FOXP1: variants seen among roughly 807,000 people sequenced by gnomAD.
FOXP1 encodes the protein forkhead box P1, also known as forkhead box protein P1.
FOXP1 carries 15 observed loss-of-function variants against 98.2 expected under a neutral mutation model. The ratio of observed to expected loss-of-function variants is 0.15; its 90% CI spans 0.10 to 0.24. The LOEUF (loss-of-function observed/expected upper bound fraction) is 0.24. FOXP1 is among the 10% of genes least tolerant of loss of function. The pLI is 1.00. For missense variants in FOXP1, 633 were observed against 848.5 expected (o/e 0.75, Z 3.15); for synonymous variants, 371 against 314.5 (o/e 1.18, Z -1.90).
chr3:71,428,178 A>G (rs958192470), intron 3 of FOXP1, among the ~76,000 whole-genome samples: 1 of 152,184 alleles, frequency 6.6e-6, no homozygotes, highest in African/African-American at 2.4e-5. Context: ...CAAAGCCCTC[A>G]TACCCTCAGA....
At chr3:71,123,368 T>C (rs921597943) in intron 6 of FOXP1, among the ~76,000 whole-genome samples, 6 of 152,216 alleles carry the variant, frequency 3.9e-5, no homozygotes, top group Non-Finnish European at 8.8e-5. Context: ...TTTTCACCTC[T>C]CTGGTTAACT....
rs114145984 is a variant in FOXP1, at chr3:71,143,043, C to A, written c.181-30406G>T. On this transcript the variant is annotated intron_variant, in intron 6 of 20. Transcript: ENST00000649528. Reference sequence around the variant, plus strand: ...ACATGGTGACCCAGGGGAGCAATCGCTTCTCCTCTCTGGGCCTCACTTTCC... The same window carrying A: ...ACATGGTGACCCAGGGGAGCAATCGATTCTCCTCTCTGGGCCTCACTTTCC... 7.5e-3 allele frequency among the ~76,000 whole-genome samples: 1,148 copies of A among 152,252 alleles called. 19 individuals are homozygous for A. The highest frequency in any genetic ancestry group is 0.027 in the African/African-American group (1,119 of 41,510).
intron 5 of FOXP1, among the ~76,000 whole-genome samples, chr3:71,268,456 G>A (rs113613719): frequency 6.6e-6 from 1 of 152,078 alleles, no homozygotes; most frequent in African/African-American, 2.4e-5. Context: ...TAATGAAGAA[G>A]CTTCAAAAAC....
At chr3:71,227,419 A>G (rs1560148088) in intron 5 of FOXP1, among the ~76,000 whole-genome samples, 1 of 152,196 alleles carries the variant, frequency 6.6e-6, no homozygotes, top group Non-Finnish European at 1.5e-5. Context: ...GAAACCCCCC[A>G]GAAAACTATT....
intron 2 of FOXP1, among the ~76,000 whole-genome samples, chr3:71,522,793 G>C (rs543025429): frequency 6.6e-6 from 1 of 152,136 alleles, no homozygotes; most frequent in Non-Finnish European, 1.5e-5. Context: ...GAATGCAGTG[G>C]TCTCAAGCTG....
chr3:71,013,037 T>A (rs2043890999), intron 12 of FOXP1, among the ~76,000 whole-genome samples: 1 of 152,200 alleles, frequency 6.6e-6, no homozygotes, highest in South Asian at 2.1e-4. Flanking sequence ...TGGTCTAAAT[T>A]TTATTTTTAA....
intron 3 of FOXP1, among the ~76,000 whole-genome samples, chr3:71,452,651 A>G (rs1442110064): frequency 6.6e-6 from 1 of 152,190 alleles, no homozygotes; most frequent in African/African-American, 2.4e-5. Flanking sequence ...TGCTTTGGTC[A>G]AGACCTGTCA....
At chr3:71,450,271 C>T (rs924688676) in intron 3 of FOXP1, among the ~76,000 whole-genome samples, 3 of 152,202 alleles carry the variant, frequency 2.0e-5, no homozygotes, top group African/African-American at 7.2e-5. Flanking sequence ...TCTGTACCTC[C>T]ATGCTGGCAA....
At position 71,017,576 on chromosome 3, in the gene FOXP1, T is replaced by C. The variant is rs1346273798; in HGVS notation, c.870-1923A>G. 3.3e-5 allele frequency among the ~76,000 whole-genome samples: 5 copies of C among 152,108 alleles called. No homozygotes were observed. In the South Asian group the frequency reaches 1.0e-3, roughly 32 times the overall value. On this transcript the variant is annotated intron_variant, in intron 11 of 20. Transcript: ENST00000649528. ...GGCACGAATATTTATATCATTCTTT[T>C]ATATTTAACATAATTTTGTAAATAC...
chr3:71,137,804 T>A (rs1340585830), intron 6 of FOXP1, among the ~76,000 whole-genome samples: 1 of 151,472 alleles, frequency 6.6e-6, no homozygotes, highest in African/African-American at 2.4e-5. Context: ...TATTATTTTT[T>A]TTTTTTGGTG....
chr3:71,223,035 A>G (rs981661437), intron 5 of FOXP1, among the ~76,000 whole-genome samples: 5 of 152,160 alleles, frequency 3.3e-5, no homozygotes, highest in African/African-American at 1.2e-4. Context: ...TCCAGCTGTC[A>G]TCATCTTTCT....
intron 7 of FOXP1, among the ~76,000 whole-genome samples, chr3:71,101,931 A>G (rs561614628): frequency 3.9e-5 from 6 of 152,336 alleles, no homozygotes; most frequent in African/African-American, 1.4e-4. Flanking sequence ...TCTTTGCCCA[A>G]CTGTGTCCAG....
chr3:71,478,954 C>G (rs2090063221), intron 3 of FOXP1, among the ~76,000 whole-genome samples: 1 of 152,184 alleles, frequency 6.6e-6, no homozygotes, highest in Non-Finnish European at 1.5e-5. Flanking sequence ...TTGGAGAAAG[C>G]TGAAAGAAAA....
intron 5 of FOXP1, among the ~76,000 whole-genome samples, chr3:71,208,693 T>A (rs191976544): frequency 1.6e-4 from 24 of 152,200 alleles, no homozygotes; most frequent in Non-Finnish European, 2.6e-4. Flanking sequence ...AACAAACACA[T>A]CATCTTACAA....
chr3:71,012,145 G>T (rs551829537), intron 12 of FOXP1, among the ~76,000 whole-genome samples: 1 of 152,212 alleles, frequency 6.6e-6, no homozygotes, highest in African/African-American at 2.4e-5. Context: ...CAATTTTATA[G>T]TTCTAGAGAC....
chr3:71,143,377 G>C (rs1325037828), intron 6 of FOXP1, among the ~76,000 whole-genome samples: 2 of 152,184 alleles, frequency 1.3e-5, no homozygotes, highest in Non-Finnish European at 2.9e-5. Flanking sequence ...AAGGAGGTCA[G>C]CATGAGGTCC....
intron 6 of FOXP1, among the ~76,000 whole-genome samples, chr3:71,142,946 A>G (rs575532327): frequency 6.6e-6 from 1 of 152,190 alleles, no homozygotes; most frequent in Admixed American, 6.5e-5. Context: ...GAAGAGAGAT[A>G]AGGGGGCAGG....
intron 12 of FOXP1, among the ~76,000 whole-genome samples, chr3:71,013,727 T>TC (rs901235975): frequency 6.6e-6 from 1 of 152,168 alleles, no homozygotes; most frequent in African/African-American, 2.4e-5. Flanking sequence ...GCTGGAGGCA[T>TC]CACACTACCT....
intron 6 of FOXP1, among the ~76,000 whole-genome samples, chr3:71,113,963 G>A (rs2058155832): frequency 6.6e-6 from 1 of 152,010 alleles, no homozygotes; most frequent in South Asian, 2.1e-4. Context: ...CAATGCAGCT[G>A]AGAACCAAGA....
Sources: allele counts gnomAD v4.1 joint callset (sites outside exome capture counted in the v4.1 genomes callset), GRCh38; gene constraint gnomAD v4.1.1; transcripts MANE v1.5; gene names NCBI Gene and HGNC (gene_info 2026-07-23, HGNC 2026-07-21).